Variants in NAALADL2 observed in about 807,000 individuals in gnomAD.
The protein encoded by NAALADL2 is inactive N-acetylated-alpha-linked acidic dipeptidase-like protein 2.
In NAALADL2, 76 loss-of-function variants were observed where a neutral mutation model predicts 87.2. That is an observed-to-expected ratio of 0.87 (90% CI 0.72 to 1.05). NAALADL2 has a LOEUF of 1.05. Among genes scored for constraint, NAALADL2 ranks in the 50% least tolerant of loss-of-function variants. The pLI is 0.00. For missense variants in NAALADL2, 1,089 were observed against 945.8 expected (o/e 1.15, Z -1.99); for synonymous variants, 354 against 331.0 (o/e 1.07, Z -0.75).
intron 2 of NAALADL2, among the ~76,000 whole-genome samples, chr3:175,167,882 C>T (rs188589110): frequency 6.6e-6 from 1 of 151,882 alleles, no homozygotes; most frequent in Non-Finnish European, 1.5e-5. Context: ...CAGCAGTTGT[C>T]ATTACTGGAA....
chr3:174,682,099 A>G (rs1197838550), intron 2 of NAALADL2, among the ~76,000 whole-genome samples: 2 of 152,128 alleles, frequency 1.3e-5, no homozygotes. Flanking sequence ...GCTCTGGGAG[A>G]GATGCCTTCC....
chr3:174,855,214 G>A (rs1725720337), upstream of NAALADL2, among the ~76,000 whole-genome samples: 1 of 152,040 alleles, frequency 6.6e-6, no homozygotes, highest in Non-Finnish European at 1.5e-5. Flanking sequence ...TGTGAGTAAT[G>A]TCTTATGCAA....
Position 175,236,114 on chromosome 3 carries a change from T to G in NAALADL2, c.819+1910T>G, listed in dbSNP as rs58020220. Among the ~76,000 whole-genome samples, 850 of 152,162 alleles carry G rather than the reference T, an allele frequency of 5.6e-3. 11 individuals are homozygous for G. Among genetic ancestry groups the G allele is most frequent in the African/African-American group, 0.02 (811 of 41,524 alleles). On this transcript the variant is annotated intron_variant, in intron 3 of 13. Transcript: ENST00000454872. ...TTGGTCTTACTGTATAATGGGGAGA[T>G]TCACTGGATCTGGAAAATTAAATTT...
At chr3:174,519,138 T>C (rs1049375782) in intron 1 of NAALADL2, among the ~76,000 whole-genome samples, 1 of 152,172 alleles carries the variant, frequency 6.6e-6, no homozygotes, top group African/African-American at 2.4e-5. Flanking sequence ...ATAATAATGG[T>C]TCAAATCAAT....
At chr3:174,945,974 A>G (rs1014985488) in intron 1 of NAALADL2, among the ~76,000 whole-genome samples, 10 of 132,728 alleles carry the variant, frequency 7.5e-5, no homozygotes, top group Non-Finnish European at 1.6e-4. Flanking sequence ...TGAACCCAGG[A>G]GGTGGAGGTT....
intron 4 of NAALADL2, among the ~76,000 whole-genome samples, chr3:175,314,690 A>ATGTATATATAGTTCTAAC (rs1553857545): frequency 0.029 from 1,479 of 51,464 alleles, 84 homozygotes; most frequent in Middle Eastern, 0.062. Flanking sequence ...ATATATATAT[A>ATGTATATATAGTTCTAAC]TATATATATA....
intron 5 of NAALADL2, among the ~76,000 whole-genome samples, chr3:175,374,802 A>AG (rs1766941455): frequency 6.6e-6 from 1 of 151,488 alleles, no homozygotes; most frequent in Non-Finnish European, 1.5e-5. Context: ...GAGCCTGGGG[A>AG]GGGAGAAGCT....
chr3:175,199,463 A>T (rs1739482410), intron 2 of NAALADL2, among the ~76,000 whole-genome samples: 1 of 152,000 alleles, frequency 6.6e-6, no homozygotes, highest in Non-Finnish European at 1.5e-5. Flanking sequence ...TTTACATATA[A>T]TATGTAAATA....
chr3:174,832,087 GT>G (rs1267830538), intron 3 of NAALADL2, among the ~76,000 whole-genome samples: 1 of 152,022 alleles, frequency 6.6e-6, no homozygotes, highest in Non-Finnish European at 1.5e-5. Context: ...TTTTTGAAGG[GT>G]TTTTTGTGTC....
chr3:175,747,238 T>C (rs1746044193), intron 12 of NAALADL2, among the ~76,000 whole-genome samples: 1 of 152,214 alleles, frequency 6.6e-6, no homozygotes, highest in African/African-American at 2.4e-5. Context: ...ATCTTCTGTC[T>C]CACAATTTGG....
At chr3:174,658,740 C>G (rs602912) in intron 2 of NAALADL2, among the ~76,000 whole-genome samples, 98,331 of 151,946 alleles carry the variant, frequency 0.65, 32,738 homozygotes, top group Admixed American at 0.72. Context: ...TAAGTATAGA[C>G]TAAAAATTCT....
intron 13 of NAALADL2, among the ~76,000 whole-genome samples, chr3:175,776,058 C>T (rs1204501665): frequency 6.6e-6 from 1 of 151,326 alleles, no homozygotes; most frequent in Non-Finnish European, 1.5e-5. Context: ...TCTATTCTTG[C>T]CTCCTTCTTC....
chr3:175,089,035 T>A (rs1018373741), intron 1 of NAALADL2, among the ~76,000 whole-genome samples: 2 of 148,450 alleles, frequency 1.3e-5, no homozygotes, highest in African/African-American at 2.5e-5. Context: ...AAAAAAAAAA[T>A]TGTAAATGTT....
At position 174,787,576 on chromosome 3, in the gene NAALADL2, CATATATATATATATATATATATATATAT is replaced by C. The variant is rs71300440; in HGVS notation, c.-9+49848_-9+49875del. On this transcript the variant is annotated intron_variant, in intron 3 of 3. Coordinates refer to the NAALADL2 transcript ENST00000434257. ...TTAATAGAAGAAGGCAATATATCATCATATATATATATATATATATATATATATATATATATATATATATAGTAGTGAC... is the reference window on the plus strand; with the variant it reads ...TTAATAGAAGAAGGCAATATATCATCATATATATATATATATAGTAGTGAC... Among the ~76,000 whole-genome samples the C allele has an allele frequency of 7.5e-4, 11 of 14,728 alleles. 1 individual carries two copies. Among genetic ancestry groups the C allele is most frequent in the African/African-American group, 9.0e-4 (5 of 5,544 alleles). 9.7% of individuals were successfully genotyped at this position (14,728 alleles called of 152,430 possible).
intron 5 of NAALADL2, among the ~76,000 whole-genome samples, chr3:175,410,564 C>G (rs1357442665): frequency 6.6e-6 from 1 of 151,642 alleles, no homozygotes; most frequent in Non-Finnish European, 1.5e-5. Flanking sequence ...CAAAAATACC[C>G]AACATCCTTG....
chr3:175,573,444 A>G (rs1214567131), intron 9 of NAALADL2, among the ~76,000 whole-genome samples: 1 of 152,226 alleles, frequency 6.6e-6, no homozygotes, highest in Admixed American at 6.5e-5. Context: ...ACAAATTCAA[A>G]TACCTCTGGC....
intron 4 of NAALADL2, among the ~76,000 whole-genome samples, chr3:175,317,925 C>A (rs9847480): frequency 0.14 from 21,467 of 151,992 alleles, 1,589 homozygotes; most frequent in Admixed American, 0.17. Flanking sequence ...AATGATTTGA[C>A]CCGGAAATTC....
At chr3:175,143,808 C>A (rs569306772) in intron 2 of NAALADL2, among the ~76,000 whole-genome samples, 3 of 152,000 alleles carry the variant, frequency 2.0e-5, no homozygotes, top group East Asian at 3.9e-4. Context: ...GAAATGGTTA[C>A]CTCCTTACGC....
At chr3:174,854,835 C>CTTTTTTTTTTTTTT (rs68116968), upstream of NAALADL2, among the ~76,000 whole-genome samples, 13 of 111,990 alleles carry the variant, frequency 1.2e-4, no homozygotes, top group Non-Finnish European at 1.9e-4. Context: ...GCTTTTTTTT[C>CTTTTTTTTTTTTTT]TTTTTTTTTT....
Sources: allele counts gnomAD v4.1 joint callset (sites outside exome capture counted in the v4.1 genomes callset), GRCh38; gene constraint gnomAD v4.1.1; transcripts MANE v1.5; gene names NCBI Gene and HGNC (gene_info 2026-07-23, HGNC 2026-07-21).